The following FRMPD4 variants were observed in gnomAD, a reference collection of about 807,000 sequenced individuals.
FRMPD4 encodes FERM and PDZ domain containing 4.
Under a neutral mutation model 94.1 loss-of-function variants are expected in FRMPD4, and 22 were observed. The observed-to-expected ratio is 0.23, with a 90% confidence interval of 0.17 to 0.33. The LOEUF (loss-of-function observed/expected upper bound fraction) is 0.33. Among genes scored for constraint, FRMPD4 ranks in the 10% least tolerant of loss-of-function variants. FRMPD4 has a pLI of 1.00. For synonymous variants in FRMPD4, 631 were observed against 548.6 expected (o/e 1.15, Z -2.10); for missense variants, 1,111 against 1,339.9 (o/e 0.83, Z 2.67).
At chrX:12,506,176 G>A (rs2057983125) in intron 2 of FRMPD4, among the ~76,000 whole-genome samples, 2 of 111,992 alleles carry the variant, frequency 1.8e-5, no homozygotes, top group South Asian at 7.5e-4. Flanking sequence ...TGAAAATGCA[G>A]GCCCCTTGTT....
chrX:12,704,859 G>C (rs1325016319), intron 11 of FRMPD4, among the ~76,000 whole-genome samples: 3 of 112,183 alleles, frequency 2.7e-5, no homozygotes, highest in Non-Finnish European at 5.6e-5. Context: ...ACAACAGCCA[G>C]CAAGAGGCCC....
rs58215165 is a variant in FRMPD4, at chrX:11,992,142, GA to G, written c.95+114134del. On this transcript the variant is annotated intron_variant, in intron 3 of 18. Transcript: ENST00000640291. ...TGCACGCAGGCACCTAATTAAAAGA[GA>G]AAAAAAAAATCCCTTGTTAAAATCA... Among the ~76,000 whole-genome samples the G allele has an allele frequency of 5.6e-3, 591 of 105,458 alleles. 5 individuals carry two copies. Among genetic ancestry groups the G allele is most frequent in the African/African-American group, 0.014 (408 of 29,118 alleles). 91.6% of individuals were successfully genotyped at this position (105,458 alleles called of 115,157 possible).
chrX:12,512,363 C>T (rs2058052136), intron 2 of FRMPD4, among the ~76,000 whole-genome samples: 1 of 111,992 alleles, frequency 8.9e-6, no homozygotes, highest in South Asian at 3.8e-4. Context: ...TATCCTGACG[C>T]TCTCCCTCCC....
At chrX:11,823,097 A>C (rs980141194) in intron 1 of FRMPD4, among the ~76,000 whole-genome samples, 1 of 110,644 alleles carries the variant, frequency 9.0e-6, no homozygotes, top group South Asian at 3.8e-4. Context: ...TGTGAATTAT[A>C]AAGATATTAA....
intron 1 of FRMPD4, among the ~76,000 whole-genome samples, chrX:12,451,219 T>G (rs1428440873): frequency 9.0e-6 from 1 of 111,671 alleles, no homozygotes; most frequent in African/African-American, 3.2e-5. Context: ...ACCTGCCTGA[T>G]CCAGAGAGAC....
intron 1 of FRMPD4, among the ~76,000 whole-genome samples, chrX:12,337,213 CT>C (rs1463000012): frequency 8.9e-6 from 1 of 111,974 alleles, no homozygotes; most frequent in Admixed American, 9.5e-5. Flanking sequence ...TAAAGATGAT[CT>C]TTTCGTAGGC....
intron 1 of FRMPD4, among the ~76,000 whole-genome samples, chrX:11,855,360 T>G (rs1271539458): frequency 1.8e-5 from 2 of 112,387 alleles, no homozygotes. Context: ...TCTTGGTGAT[T>G]AACATTTGGC....
chrX:12,689,429 T>C (rs867384801), intron 7 of FRMPD4, among the ~76,000 whole-genome samples: 5 of 112,331 alleles, frequency 4.5e-5, no homozygotes, highest in East Asian at 2.8e-4. Context: ...AATCTTTATA[T>C]CCGTTCTGAG....
At chrX:12,224,348 C>A (rs182858107) in intron 1 of FRMPD4, among the ~76,000 whole-genome samples, 59 of 110,723 alleles carry the variant, frequency 5.3e-4, no homozygotes, top group African/African-American at 1.7e-3. Flanking sequence ...TCCCCAGGCT[C>A]AGGTGATCCT....
Position 12,230,390 on chromosome X carries a change from GAT to G in FRMPD4, c.41+91380_41+91381del, listed in dbSNP as rs773652098. Among the ~76,000 whole-genome samples the G allele has an allele frequency of 1.6e-4, 18 of 111,612 alleles. No individual in the cohort carries two copies. In the East Asian group the frequency reaches 2.8e-3, roughly 18 times the overall value. ...GACACTGGCAAACTGAGACCAAATT[GAT>G]AGAGACTGCCTTTGGGCACATAAGC... On this transcript the variant is annotated intron_variant, in intron 1 of 16. Coordinates refer to ENST00000675598, the MANE Select transcript of FRMPD4 (RefSeq NM_001368397.1).
rs192299779 is a variant in FRMPD4, at chrX:12,486,900, A to G, written c.42-11780A>G. Among the ~76,000 whole-genome samples the G allele has an allele frequency of 1.2e-4, 13 of 112,259 alleles. No homozygotes were observed. In the East Asian group the frequency reaches 2.5e-3, roughly 22 times the overall value. Reference sequence around the variant, plus strand: ...GAGCAGATGGATTGAAAAAATATCAATGAACTCCAAATGGAAGCTGGGAAT... The same window carrying G: ...GAGCAGATGGATTGAAAAAATATCAGTGAACTCCAAATGGAAGCTGGGAAT... On this transcript the variant is annotated intron_variant, in intron 1 of 16. Coordinates refer to ENST00000675598, the MANE Select transcript of FRMPD4 (RefSeq NM_001368397.1).
intron 3 of FRMPD4, among the ~76,000 whole-genome samples, chrX:11,987,216 A>C (rs760371844): frequency 5.1e-4 from 56 of 110,002 alleles, no homozygotes; most frequent in Non-Finnish European, 9.3e-4. Context: ...ACATTAAAAA[A>C]TCATTCATCA....
chrX:11,881,924 C>T (rs1161877756), intron 3 of FRMPD4, among the ~76,000 whole-genome samples: 1 of 111,460 alleles, frequency 9.0e-6, no homozygotes, highest in Non-Finnish European at 1.9e-5. Flanking sequence ...ACAGAGTTAC[C>T]AACCAGCTTG....
intron 3 of FRMPD4, among the ~76,000 whole-genome samples, chrX:11,904,266 A>C (rs2053955258): frequency 8.9e-6 from 1 of 111,979 alleles, no homozygotes. Flanking sequence ...TGTCTGTTTC[A>C]AGAAAAGCCA....
At chrX:12,025,841 C>T (rs1020373353) in intron 3 of FRMPD4, among the ~76,000 whole-genome samples, 22 of 112,013 alleles carry the variant, frequency 2.0e-4, no homozygotes, top group Non-Finnish European at 3.8e-4. Context: ...ACTGCAACTA[C>T]TGCTGACACC....
chrX:12,337,280 C>T (rs1469336131), intron 1 of FRMPD4, among the ~76,000 whole-genome samples: 1 of 111,299 alleles, frequency 9.0e-6, no homozygotes, highest in African/African-American at 3.3e-5. Flanking sequence ...TTTTTAATTG[C>T]AAAAATTAAG....
chrX:12,262,713 G>A (rs1317047064), intron 1 of FRMPD4, among the ~76,000 whole-genome samples: 1 of 111,816 alleles, frequency 8.9e-6, no homozygotes, highest in Admixed American at 9.5e-5. Context: ...TTGCAGCTAT[G>A]TCACTTAGGG....
intron 1 of FRMPD4, among the ~76,000 whole-genome samples, chrX:12,193,932 C>T (rs1419091492): frequency 2.8e-5 from 3 of 108,181 alleles, no homozygotes; most frequent in African/African-American, 1.0e-4. Context: ...AGATGTACTA[C>T]TTAGTCTTTT....
intron 4 of FRMPD4, among the ~76,000 whole-genome samples, chrX:12,674,222 G>A (rs1471872473): frequency 1.8e-5 from 2 of 112,108 alleles, no homozygotes; most frequent in Admixed American, 9.4e-5. Flanking sequence ...CCTATTGTGA[G>A]TAATATTTCC....
Sources: allele counts gnomAD v4.1 joint callset (sites outside exome capture counted in the v4.1 genomes callset), GRCh38; gene constraint gnomAD v4.1.1; transcripts MANE v1.5; gene names NCBI Gene and HGNC (gene_info 2026-07-23, HGNC 2026-07-21).